CFAP100: variants seen among roughly 807,000 people sequenced by gnomAD.
CFAP100 encodes the protein cilia- and flagella-associated protein 100.
Under a neutral mutation model 81.5 loss-of-function variants are expected in CFAP100, and 70 were observed. That is an observed-to-expected ratio of 0.86 (90% CI 0.71 to 1.05). CFAP100 has a LOEUF of 1.05. Ranked by LOEUF, CFAP100 falls within the 50% of genes least tolerant of loss-of-function variation. The pLI, the probability that CFAP100 is intolerant of heterozygous loss-of-function variation, is 0.00. For missense variants in CFAP100, 811 were observed against 776.5 expected (o/e 1.04, Z -0.53); for synonymous variants, 341 against 314.8 (o/e 1.08, Z -0.88).
chr3:126,409,410 A>G (rs942986719), intron 3 of CFAP100, among the ~76,000 whole-genome samples: 1 of 152,216 alleles, frequency 6.6e-6, no homozygotes, highest in Admixed American at 6.5e-5. Context: ...TACAAATAAT[A>G]CTGCTATGAA....
intron 3 of CFAP100, among the ~76,000 whole-genome samples, chr3:126,409,805 C>T (rs998503029): frequency 6.6e-6 from 1 of 152,194 alleles, no homozygotes; most frequent in Non-Finnish European, 1.5e-5. Flanking sequence ...TCTTGGAGCT[C>T]TTTACTGGAT....
chr3:126,397,630 C>T (rs187331724), intron 2 of CFAP100, among the ~76,000 whole-genome samples: 3 of 152,316 alleles, frequency 2.0e-5, no homozygotes, highest in Non-Finnish European at 4.4e-5. Flanking sequence ...GAAAACCAGG[C>T]CAGACAGGCA....
chr3:126,419,427 A>G (rs565568947), intron 8 of CFAP100, among the ~76,000 whole-genome samples: 36 of 152,280 alleles, frequency 2.4e-4, no homozygotes, highest in African/African-American at 7.7e-4. Context: ...CAGGGTGGAG[A>G]GGAACTTGCA....
rs76334426 is a variant in CFAP100 at position 126,412,213 on chromosome 3, A to G, written c.131-1872A>G. On this transcript the variant is annotated intron_variant, in intron 3 of 16. Coordinates refer to ENST00000352312, the MANE Select transcript of CFAP100 (RefSeq NM_182628.3). Reference sequence around the variant, plus strand: ...TATTTCCGTGTGTTTCTATCACATCACTCCACCTTGGCTTCTCTTCCTGCA... The same window carrying G: ...TATTTCCGTGTGTTTCTATCACATCGCTCCACCTTGGCTTCTCTTCCTGCA... Among the ~76,000 whole-genome samples, 1,045 of 152,120 alleles carry G rather than the reference A, an allele frequency of 6.9e-3. 11 individuals are homozygous for G. The highest frequency in any genetic ancestry group is 0.023 in the African/African-American group (972 of 41,474).
chr3:126,436,219 C>T, intron 16 of CFAP100, 72 bp from the exon 17 acceptor site: 3 of 1,223,498 alleles, frequency 2.5e-6, no homozygotes, highest in Non-Finnish European at 3.6e-6. Flanking sequence ...CCTCTCCCTG[C>T]ACCAGGGGCA....
rs146737513 is a variant in CFAP100 at position 126,409,628 on chromosome 3, T to C, written c.130+2376T>C. On this transcript the variant is annotated intron_variant, in intron 3 of 16. Coordinates refer to ENST00000352312, the MANE Select transcript of CFAP100 (RefSeq NM_182628.3). Reference sequence around the variant, plus strand: ...TGGTACACCATCGATCCTTTTAATATGACTTTGTCCTCTGGGTATATGTTA... The same window carrying C: ...TGGTACACCATCGATCCTTTTAATACGACTTTGTCCTCTGGGTATATGTTA... Among the ~76,000 whole-genome samples the C allele has an allele frequency of 3.3e-5, 5 of 152,388 alleles. No individual in the cohort carries two copies. In the East Asian group the frequency reaches 7.7e-4, roughly 23 times the overall value.
chr3:126,423,695 G>C, intron 13 of CFAP100, 51 bp downstream of exon 13: 1 of 1,608,694 alleles, frequency 6.2e-7, no homozygotes, highest in Non-Finnish European at 8.5e-7. Flanking sequence ...CTCATCCTGG[G>C]ATCCCCCTAG....
intron 2 of CFAP100, among the ~76,000 whole-genome samples, chr3:126,400,044 G>T (rs1468985210): frequency 4.6e-5 from 7 of 152,140 alleles, no homozygotes; most frequent in African/African-American, 1.7e-4. Flanking sequence ...GTTGGTCAAG[G>T]GCTGTCCTTC....
chr3:126,428,737 T>C (rs1043042924), intron 13 of CFAP100, among the ~76,000 whole-genome samples: 27 of 152,186 alleles, frequency 1.8e-4, no homozygotes, highest in Non-Finnish European at 2.9e-5. Context: ...GTGTCTGTCT[T>C]TGCTATCGAG....
At chr3:126,398,737 G>A (rs796774567) in intron 2 of CFAP100, among the ~76,000 whole-genome samples, 1 of 152,140 alleles carries the variant, frequency 6.6e-6, no homozygotes, top group Non-Finnish European at 1.5e-5. Flanking sequence ...TGGTGGCCTC[G>A]TGGGCAGAGT....
chr3:126,423,228 G>A, intron 11 of CFAP100, 97 bp from the exon 12 acceptor site: 1 of 969,932 alleles, frequency 1.0e-6, no homozygotes, highest in Non-Finnish European at 1.5e-6. Flanking sequence ...GGAGGGATGG[G>A]GATGCTGCCA....
chr3:126,423,427 C>A (rs763873903), intron 12 of CFAP100, 51 bp downstream of exon 12: 89 of 1,607,940 alleles, frequency 5.5e-5, no homozygotes, highest in Non-Finnish European at 7.1e-5. Flanking sequence ...CTCTCTTTCC[C>A]TGCCCCCACC....
chr3:126,398,970 G>A (rs757091719), intron 2 of CFAP100, among the ~76,000 whole-genome samples: 4 of 152,212 alleles, frequency 2.6e-5, no homozygotes, highest in Non-Finnish European at 5.9e-5. Flanking sequence ...GGCCAGGCCT[G>A]GTTCACTCCC....
chr3:126,421,418 A>G (rs2083330587), intron 11 of CFAP100, among the ~76,000 whole-genome samples: 1 of 152,242 alleles, frequency 6.6e-6, no homozygotes, highest in African/African-American at 2.4e-5. Flanking sequence ...TGCTTAAGAA[A>G]TATTTGCCAA....
At chr3:126,432,383 C>T (rs1302320983) in intron 13 of CFAP100, among the ~76,000 whole-genome samples, 1 of 150,878 alleles carries the variant, frequency 6.6e-6, no homozygotes. Context: ...CTCACAAAAA[C>T]CTGCACATGA....
chr3:126,427,303 T>G (rs1307262778), intron 13 of CFAP100, among the ~76,000 whole-genome samples: 1 of 152,082 alleles, frequency 6.6e-6, no homozygotes, highest in Non-Finnish European at 1.5e-5. Context: ...GAAAGAATAG[T>G]GAAATAGATA....
chr3:126,406,276 G>C lies in CFAP100; in HGVS notation c.50-896G>C, dbSNP rs1375887935. Among the ~76,000 whole-genome samples the C allele has an allele frequency of 5.3e-5, 8 of 152,224 alleles. No individual in the cohort carries two copies. The East Asian group carries it at 1.5e-3, about 29-fold the overall frequency. The stretch of plus-strand genomic sequence containing the variant: ...CTTCCTCACTCTTCCCTCACCCCAT[G>C]ACCATTTGCTCAGGGCCCAGGCCTT... On this transcript the variant is annotated intron_variant, in intron 2 of 16. Transcript: ENST00000352312.
Position 126,416,401 on chromosome 3 carries a change from G to A in CFAP100, c.311G>A (p.Arg104Gln), listed in dbSNP as rs1560071362. 2 of 1,612,076 alleles carry A rather than the reference G, an allele frequency of 1.2e-6. No homozygotes were observed. Among genetic ancestry groups the A allele is most frequent in the Non-Finnish European group, 8.5e-7 (1 of 1,179,494 alleles). ...KVSAKHTSLR[R>Q]QLQLEDKQED... ...TCGGCTAAGCACACCAGCCTGCGGC[G>A]GCAGCTGCAGCTGGAGGACAAGCAG... is the stretch of plus-strand genomic sequence containing the variant. The change falls in exon 5 of 17, where the codon CGG becomes CAG. Residue 104 changes from arginine to glutamine, a missense_variant. By Grantham distance (43) the Arg-to-Gln change is conservative (BLOSUM62 1). Coordinates refer to ENST00000352312, the MANE Select transcript of CFAP100 (RefSeq NM_182628.3).
chr3:126,401,602 C>T (rs1203932738), intron 2 of CFAP100, among the ~76,000 whole-genome samples: 1 of 151,076 alleles, frequency 6.6e-6, no homozygotes, highest in Non-Finnish European at 1.5e-5. Flanking sequence ...AGGAAGGCTT[C>T]CTGGAGAAGG....
Sources: gnomAD v4.1 joint callset for allele counts (sites outside exome capture counted in the v4.1 genomes callset) on GRCh38, gnomAD v4.1.1 for gene constraint, MANE v1.5 for transcripts, NCBI Gene and HGNC (gene_info 2026-07-23, HGNC 2026-07-21) for gene names.